The following LPAR1 variants were observed in gnomAD, a reference collection of about 807,000 sequenced individuals.
LPAR1 encodes the protein lysophosphatidic acid receptor 1.
A neutral mutation model predicts 23.8 loss-of-function variants in LPAR1; 5 were observed. The observed-to-expected ratio is 0.21, with a 90% confidence interval of 0.11 to 0.44. The LOEUF (loss-of-function observed/expected upper bound fraction) is 0.44. Among genes scored for constraint, LPAR1 ranks in the 20% least tolerant of loss-of-function variants. The probability of loss-of-function intolerance (pLI) is 0.99; values close to 1 mark genes in which losing one functional copy is unlikely to be tolerated. For missense variants in LPAR1, 311 were observed against 482.8 expected (o/e 0.64, Z 3.33); for synonymous variants, 160 against 164.7 (o/e 0.97, Z 0.22).
intron 2 of LPAR1, among the ~76,000 whole-genome samples, chr9:110,975,389 T>G (rs1468822538): frequency 6.6e-6 from 1 of 152,188 alleles, no homozygotes; most frequent in Non-Finnish European, 1.5e-5. Flanking sequence ...GAGCAGTCAT[T>G]TCCCCAACAG....
At chr9:111,014,586 C>T (rs1295112594) in intron 2 of LPAR1, among the ~76,000 whole-genome samples, 5 of 152,118 alleles carry the variant, frequency 3.3e-5, no homozygotes, top group Non-Finnish European at 7.3e-5. Flanking sequence ...GCCCTGGCCT[C>T]TCTTTCAAAG....
chr9:110,918,598 T>C (rs539464892), intron 5 of LPAR1, among the ~76,000 whole-genome samples: 45 of 152,080 alleles, frequency 3.0e-4, no homozygotes, highest in Non-Finnish European at 5.6e-4. Flanking sequence ...GAAGGAACTG[T>C]CAGGTTAGAG....
chr9:110,897,232 G>A (rs970325734), intron 5 of LPAR1, among the ~76,000 whole-genome samples: 1 of 152,148 alleles, frequency 6.6e-6, no homozygotes, highest in African/African-American at 2.4e-5. Context: ...TGAATCATGG[G>A]GGAGGGTCTT....
At chr9:111,027,206 C>T (rs1454162268) in intron 2 of LPAR1, among the ~76,000 whole-genome samples, 2 of 152,024 alleles carry the variant, frequency 1.3e-5, no homozygotes, top group South Asian at 2.1e-4. Context: ...AATTTCAGAA[C>T]GCTCCACCCC....
chr9:110,962,305 G>T (rs2096026397), intron 4 of LPAR1, among the ~76,000 whole-genome samples: 4 of 152,058 alleles, frequency 2.6e-5, no homozygotes, highest in Admixed American at 2.6e-4. Context: ...ATGCTTCCTG[G>T]GTCTTCTCCT....
chr9:110,893,904 G>T (rs928706295), intron 5 of LPAR1, among the ~76,000 whole-genome samples: 2 of 152,104 alleles, frequency 1.3e-5, no homozygotes, highest in African/African-American at 2.4e-5. Flanking sequence ...GGAAAAAAGA[G>T]GAAGGACAGA....
At chr9:110,889,983 T>A (rs886406723) in intron 5 of LPAR1, among the ~76,000 whole-genome samples, 3 of 152,096 alleles carry the variant, frequency 2.0e-5, no homozygotes, top group African/African-American at 4.8e-5. Flanking sequence ...AATTAAAACA[T>A]GTTACTGAAA....
At chr9:110,955,717 G>GAAA (rs368923001) in intron 4 of LPAR1, among the ~76,000 whole-genome samples, 113 of 138,734 alleles carry the variant, frequency 8.1e-4, no homozygotes, top group African/African-American at 1.9e-3. Flanking sequence ...GACCACAATA[G>GAAA]AAAAAAAAAA....
At chr9:110,912,315 A>G (rs1403685313) in intron 5 of LPAR1, among the ~76,000 whole-genome samples, 1 of 152,198 alleles carries the variant, frequency 6.6e-6, no homozygotes, top group Non-Finnish European at 1.5e-5. Flanking sequence ...GAACATTGCC[A>G]GGAATCTCCA....
At position 110,942,108 on chromosome 9, in the gene LPAR1, G is replaced by A. The variant is rs754224955; in HGVS notation, c.106C>T (p.Arg36Ter). ...TCTGTGGCAAGATGCTTTCCACTTC[G>A]GTTATAAAAGAAGGCAATGGACTCG... ...YNESIAFFYN[R>*]SGKHLATEWN... Residue 36 changes from arginine (R) to a stop codon, truncating the protein, a stop_gained, in exon 5 of 6, where the codon CGA becomes TGA. Transcript: ENST00000683809. LOFTEE classifies it high-confidence loss of function. 1.9e-6 allele frequency: 3 copies of A among 1,613,974 alleles called. No homozygotes were observed. The highest frequency in any genetic ancestry group is 1.1e-5 in the South Asian group (1 of 91,060).
intron 2 of LPAR1, among the ~76,000 whole-genome samples, chr9:111,006,799 A>G (rs979944782): frequency 2.0e-5 from 3 of 152,222 alleles, no homozygotes; most frequent in East Asian, 1.9e-4. Flanking sequence ...CTATTTTAGC[A>G]TAAGGCCAAA....
At chr9:110,890,053 C>T (rs901907715) in intron 5 of LPAR1, among the ~76,000 whole-genome samples, 32 of 151,954 alleles carry the variant, frequency 2.1e-4, no homozygotes, top group Admixed American at 8.5e-4. Flanking sequence ...AAAGAAACAA[C>T]TAAAGAGACA....
intron 4 of LPAR1, among the ~76,000 whole-genome samples, chr9:110,964,695 A>T (rs2096135263): frequency 6.6e-6 from 1 of 151,962 alleles, no homozygotes; most frequent in African/African-American, 2.4e-5. Context: ...ATTTAATGTG[A>T]AATTCAGTTG....
chr9:111,034,814 AAAT>A (rs1420754204), intron 2 of LPAR1, among the ~76,000 whole-genome samples: 6 of 152,122 alleles, frequency 3.9e-5, no homozygotes, highest in African/African-American at 1.2e-4. Flanking sequence ...TAACTCCTTA[AAAT>A]AACATCAGAG....
Position 110,875,391 on chromosome 9 carries a change from G to A in LPAR1, c.*30C>T. Reference sequence around the variant, plus strand: ...GGAGGCTGTTTATCCTCCAAGAGAGGACGGCTGGTTCCTCATCTCAGTTTC... The same window carrying A: ...GGAGGCTGTTTATCCTCCAAGAGAGAACGGCTGGTTCCTCATCTCAGTTTC... On this transcript the variant is annotated 3_prime_UTR_variant, in exon 6 of 6. Transcript: ENST00000683809. 6.3e-7 allele frequency: 1 copy of A among 1,579,366 alleles called. No homozygotes were observed. Among genetic ancestry groups the A allele is most frequent in the South Asian group, 1.2e-5 (1 of 86,894 alleles).
chr9:111,005,546 CAAAAAAAAAAAAAAAA>C (rs60143050), intron 2 of LPAR1, among the ~76,000 whole-genome samples: 27 of 70,336 alleles, frequency 3.8e-4, no homozygotes, highest in Non-Finnish European at 5.5e-4. Flanking sequence ...GACCCTGTCT[CAAAAAAAAAAAAAAAA>C]AAAAAAAAAA....
intron 5 of LPAR1, among the ~76,000 whole-genome samples, chr9:110,918,698 T>C (rs13292188): frequency 6.6e-6 from 1 of 152,200 alleles, no homozygotes; most frequent in Non-Finnish European, 1.5e-5. Context: ...AAGAGTAATG[T>C]CTCTGTAGCC....
intron 5 of LPAR1, among the ~76,000 whole-genome samples, chr9:110,913,953 C>T (rs534932522): frequency 6.6e-6 from 1 of 152,268 alleles, no homozygotes; most frequent in South Asian, 2.1e-4. Context: ...ATGAACAAGA[C>T]ACGTCCAAGC....
At chr9:110,911,097 G>A (rs936588408) in intron 5 of LPAR1, among the ~76,000 whole-genome samples, 5 of 152,174 alleles carry the variant, frequency 3.3e-5, no homozygotes, top group African/African-American at 1.2e-4. Context: ...ACATGCTACT[G>A]AAAAATCTTT....
Sources: gnomAD v4.1 joint callset for allele counts (sites outside exome capture counted in the v4.1 genomes callset) on GRCh38, gnomAD v4.1.1 for gene constraint, MANE v1.5 for transcripts, NCBI Gene and HGNC (gene_info 2026-07-23, HGNC 2026-07-21) for gene names.